GFM2: variants seen among roughly 807,000 people sequenced by gnomAD.
The protein encoded by GFM2 is GTP dependent ribosome recycling factor mitochondrial 2, also known as ribosome-releasing factor 2, mitochondrial.
In GFM2, 72 loss-of-function variants were observed where a neutral mutation model predicts 95.4. The observed-to-expected ratio is 0.76, with a 90% CI of 0.62 to 0.92. The LOEUF (loss-of-function observed/expected upper bound fraction) is 0.92. Among genes scored for constraint, GFM2 ranks in the 40% least tolerant of loss-of-function variants. GFM2 has a pLI of 0.00. For synonymous variants in GFM2, 276 were observed against 317.5 expected (o/e 0.87, Z 1.39); for missense variants, 825 against 924.1 (o/e 0.89, Z 1.39).
chr5:74,725,763 A>G lies in GFM2; in HGVS notation c.1913-8T>C. ...GGGATCCAAGCAATGGTCCTAGACA[A>G]GGGAAAAAAATTGTATCATACTCTG... On this transcript the variant is annotated splice_polypyrimidine_tract_variant and splice_region_variant and intron_variant, in intron 18 of 20. Coordinates refer to ENST00000296805, the MANE Select transcript of GFM2 (RefSeq NM_032380.5). 1 of 1,598,374 alleles carries G rather than the reference A, an allele frequency of 6.3e-7. No homozygotes were observed. Among genetic ancestry groups the G allele is most frequent in the Non-Finnish European group, 8.6e-7 (1 of 1,166,008 alleles).
Position 74,738,499 on chromosome 5 carries a change from T to C in GFM2, c.1220+3A>G, listed in dbSNP as rs1561244911. On this transcript the variant is annotated splice_donor_region_variant and intron_variant, in intron 13 of 20. Transcript: ENST00000296805. ...TTATAAAATAATCTAAGCTTCTACT[T>C]ACGTGCAGTTTCCATTAATATTATG... 52 of 1,612,120 alleles carry C rather than the reference T, an allele frequency of 3.2e-5. No homozygotes were observed. The highest frequency in any genetic ancestry group is 4.2e-5 in the Non-Finnish European group (50 of 1,179,220).
At chr5:74,759,908 A>G (rs1040128278) in intron 3 of GFM2, among the ~76,000 whole-genome samples, 2 of 152,162 alleles carry the variant, frequency 1.3e-5, no homozygotes, top group South Asian at 4.1e-4. Flanking sequence ...CAATCCCAGG[A>G]CACAATACCT....
chr5:74,734,599 T>C (rs1579982185), intron 15 of GFM2, among the ~76,000 whole-genome samples: 1 of 152,330 alleles, frequency 6.6e-6, no homozygotes, highest in South Asian at 2.1e-4. Context: ...TAATATTTTA[T>C]TTTAAGCACA....
intron 1 of GFM2, among the ~76,000 whole-genome samples, 199 bp downstream of exon 1, chr5:74,766,739 G>A (rs903940712): frequency 1.3e-5 from 2 of 152,194 alleles, no homozygotes; most frequent in Non-Finnish European, 2.9e-5. Context: ...TACACAGAGT[G>A]ACCGGAACAA....
intron 1 of GFM2, chr5:74,765,031 C>A: frequency 1.4e-6 from 1 of 725,058 alleles, no homozygotes; most frequent in South Asian, 1.7e-5. Flanking sequence ...AGTGATCTAC[C>A]CACCTCGGCC....
intron 19 of GFM2, among the ~76,000 whole-genome samples, chr5:74,724,107 G>A (rs749272930): frequency 6.6e-6 from 1 of 152,048 alleles, no homozygotes; most frequent in Non-Finnish European, 1.5e-5. Flanking sequence ...TTGAAGTAAC[G>A]AATTAACACT....
At chr5:74,764,317 A>G (rs962571567) in intron 1 of GFM2, among the ~76,000 whole-genome samples, 5 of 150,582 alleles carry the variant, frequency 3.3e-5, no homozygotes, top group African/African-American at 1.2e-4. Context: ...TTTCAAGTAC[A>G]ATATCAAAGC....
intron 17 of GFM2, among the ~76,000 whole-genome samples, chr5:74,728,946 G>A (rs1750285994): frequency 1.3e-5 from 2 of 151,724 alleles, no homozygotes; most frequent in South Asian, 2.1e-4. Context: ...AGTAGAAACG[G>A]GGTCACCATA....
At chr5:74,738,673 A>T in intron 12 of GFM2, 31 bp from the exon 13 acceptor site, 2 of 1,582,436 alleles carry the variant, frequency 1.3e-6, no homozygotes, top group Non-Finnish European at 1.7e-6. Flanking sequence ...AAAGGCCTAT[A>T]AAATACACTT....
chr5:74,722,638 A>G, intron 19 of GFM2, 77 bp from the exon 20 acceptor site: 1 of 1,188,264 alleles, frequency 8.4e-7, no homozygotes, highest in South Asian at 1.4e-5. Flanking sequence ...GCTCATACAA[A>G]AAGACATAAG....
At chr5:74,726,976 G>A (rs1750175384) in intron 17 of GFM2, among the ~76,000 whole-genome samples, 2 of 152,082 alleles carry the variant, frequency 1.3e-5, no homozygotes, top group African/African-American at 4.8e-5. Context: ...AGACTAGCCT[G>A]GGCAATATAG....
chr5:74,753,340 G>A (rs1440258220), intron 5 of GFM2, among the ~76,000 whole-genome samples: 1 of 152,206 alleles, frequency 6.6e-6, no homozygotes, highest in Admixed American at 6.5e-5. Flanking sequence ...GCTCACACCT[G>A]TAATCCCAGC....
chr5:74,762,939 A>G (rs1045405003), intron 2 of GFM2, among the ~76,000 whole-genome samples: 3 of 152,228 alleles, frequency 2.0e-5, no homozygotes, highest in Admixed American at 6.5e-5. Context: ...TGAAACAGCT[A>G]AACAGCAAAA....
chr5:74,736,273 A>C (rs1293174259), intron 15 of GFM2: 3 of 602,496 alleles, frequency 5.0e-6, no homozygotes, highest in Non-Finnish European at 6.2e-6. Flanking sequence ...TACATACCAC[A>C]CTAAAGAGTT....
intron 16 of GFM2, among the ~76,000 whole-genome samples, chr5:74,732,525 A>G (rs568236156): frequency 6.6e-6 from 1 of 152,268 alleles, no homozygotes; most frequent in South Asian, 2.1e-4. Flanking sequence ...GAATCAAAAC[A>G]TCTGTTCTAC....
chr5:74,722,126 G>A (rs1428132976), intron 20 of GFM2, among the ~76,000 whole-genome samples: 1 of 152,120 alleles, frequency 6.6e-6, no homozygotes, highest in East Asian at 1.9e-4. Context: ...GCTTGGCAGG[G>A]AAAAAATGGT....
chr5:74,760,853 A>T, intron 3 of GFM2, 49 bp downstream of exon 3: 1 of 1,149,536 alleles, frequency 8.7e-7, no homozygotes, highest in Non-Finnish European at 1.3e-6. Flanking sequence ...GAGAGAAAAG[A>T]GATAAAGCAA....
chr5:74,764,702 T>C (rs1744454540), intron 1 of GFM2, among the ~76,000 whole-genome samples: 1 of 151,936 alleles, frequency 6.6e-6, no homozygotes, highest in Admixed American at 6.6e-5. Context: ...TAAGAAACAT[T>C]CACTACTCTT....
In GFM2 at chr5:74,721,234, C is replaced by A; in HGVS notation, c.*421G>T. On this transcript the variant is annotated 3_prime_UTR_variant, in exon 21 of 21. Transcript: ENST00000296805. ...ACTACAATCAACTTTATTTTGAAATCATGTAAAATAAGATATTAGACTGTT... is the reference window on the plus strand; with the variant it reads ...ACTACAATCAACTTTATTTTGAAATAATGTAAAATAAGATATTAGACTGTT... 2 of 1,296,780 alleles carry A rather than the reference C, an allele frequency of 1.5e-6. No individual in the cohort carries two copies. The highest frequency in any genetic ancestry group is 2.2e-6 in the Non-Finnish European group (2 of 891,814). The allele number at this position is 1,296,780 out of a possible 1,614,324, so 80.3% of individuals were successfully genotyped here.
Sources: gnomAD v4.1 joint callset for allele counts (sites outside exome capture counted in the v4.1 genomes callset) on GRCh38, gnomAD v4.1.1 for gene constraint, MANE v1.5 for transcripts, NCBI Gene and HGNC (gene_info 2026-07-23, HGNC 2026-07-21) for gene names.